The following PPP3CA variants were observed in gnomAD, a reference collection of about 807,000 sequenced individuals.
The protein encoded by PPP3CA is protein phosphatase 3 catalytic subunit alpha.
Under a neutral mutation model 66.5 loss-of-function variants are expected in PPP3CA, and 14 were observed. The observed-to-expected ratio is 0.21, with a 90% CI of 0.14 to 0.33. The LOEUF is 0.33. PPP3CA is among the 10% of genes least tolerant of loss of function. PPP3CA has a pLI of 1.00. For missense variants in PPP3CA, 317 were observed against 639.5 expected (o/e 0.50, Z 5.44); for synonymous variants, 232 against 226.2 (o/e 1.03, Z -0.23).
intron 2 of PPP3CA, among the ~76,000 whole-genome samples, chr4:101,160,294 T>C (rs1055628823): frequency 1.4e-4 from 21 of 152,170 alleles, no homozygotes; most frequent in Admixed American, 3.9e-4. Flanking sequence ...CTGATATAAG[T>C]CATTCTAGTC....
intron 1 of PPP3CA, among the ~76,000 whole-genome samples, chr4:101,259,987 T>C (rs192999098): frequency 4.1e-4 from 63 of 152,270 alleles, no homozygotes; most frequent in Non-Finnish European, 8.5e-4. Flanking sequence ...TAATAGTAAT[T>C]ACTCCTTCCT....
intron 1 of PPP3CA, among the ~76,000 whole-genome samples, chr4:101,220,517 T>A (rs1168557268): frequency 6.6e-6 from 1 of 151,760 alleles, no homozygotes; most frequent in Admixed American, 6.6e-5. Context: ...AAATGGATTT[T>A]AATAAAAAGA....
intron 2 of PPP3CA, among the ~76,000 whole-genome samples, chr4:101,191,020 G>A (rs780917832): frequency 2.0e-5 from 3 of 152,314 alleles, no homozygotes; most frequent in African/African-American, 4.8e-5. Flanking sequence ...CATAGGATAT[G>A]TAGATAAATG....
chr4:101,139,767 T>C (rs1333875128), intron 2 of PPP3CA, among the ~76,000 whole-genome samples: 1 of 146,496 alleles, frequency 6.8e-6, no homozygotes, highest in African/African-American at 2.5e-5. Context: ...GTCCTGTAAC[T>C]ACTCAATAAA....
intron 1 of PPP3CA, among the ~76,000 whole-genome samples, chr4:101,288,377 C>G (rs1727909228): frequency 6.6e-6 from 1 of 151,950 alleles, no homozygotes; most frequent in Non-Finnish European, 1.5e-5. Context: ...GGTTACCTAC[C>G]CCCCAAAAAT....
chr4:101,178,045 G>A (rs192846915), intron 2 of PPP3CA, among the ~76,000 whole-genome samples: 30 of 152,170 alleles, frequency 2.0e-4, no homozygotes, highest in Admixed American at 1.5e-3. Flanking sequence ...CAGTTATTAC[G>A]TGAGGAGCTT....
At chr4:101,173,458 G>A (rs1391229263) in intron 2 of PPP3CA, among the ~76,000 whole-genome samples, 3 of 151,816 alleles carry the variant, frequency 2.0e-5, no homozygotes, top group Non-Finnish European at 4.4e-5. Context: ...ATTATATCCA[G>A]CCCTAGCAAT....
In PPP3CA at chr4:101,210,395, C is replaced by T. The variant is rs139053108; in HGVS notation, c.59-14279G>A. Among the ~76,000 whole-genome samples the T allele has an allele frequency of 3.0e-3, 458 of 152,222 alleles. 2 individuals are homozygous for T. The highest frequency in any genetic ancestry group is 0.02 in the Middle Eastern group (6 of 294). On this transcript the variant is annotated intron_variant, in intron 1 of 13. Coordinates refer to ENST00000394854, the MANE Select transcript of PPP3CA (RefSeq NM_000944.5). ...CAGAAGCCAGACTGCCTAGGTAAAC[C>T]GTACCATCTTGAGCACATTATTTAA... is the stretch of plus-strand genomic sequence containing the variant.
chr4:101,298,418 AT>A (rs1728262985), intron 1 of PPP3CA, among the ~76,000 whole-genome samples: 1 of 151,402 alleles, frequency 6.6e-6, no homozygotes, highest in Non-Finnish European at 1.5e-5. Flanking sequence ...TTATACATGA[AT>A]TTTTTTCATT....
At chr4:101,105,094 T>C (rs116464067) in intron 3 of PPP3CA, among the ~76,000 whole-genome samples, 3,442 of 152,162 alleles carry the variant, frequency 0.023, 120 homozygotes, top group African/African-American at 0.078. Flanking sequence ...TCTAGATTAA[T>C]TGTAGACTTT....
chr4:101,180,505 G>T (rs1724200191), intron 2 of PPP3CA, among the ~76,000 whole-genome samples: 2 of 152,098 alleles, frequency 1.3e-5, no homozygotes, highest in African/African-American at 2.4e-5. Flanking sequence ...TGACAGTTAA[G>T]TTGTATTTCC....
At chr4:101,230,872 C>G (rs1252891781) in intron 1 of PPP3CA, among the ~76,000 whole-genome samples, 1 of 151,746 alleles carries the variant, frequency 6.6e-6, no homozygotes, top group Admixed American at 6.6e-5. Context: ...GAATACATCA[C>G]AATCGTTTCA....
At chr4:101,314,395 T>C (rs1728821294) in intron 1 of PPP3CA, among the ~76,000 whole-genome samples, 1 of 151,738 alleles carries the variant, frequency 6.6e-6, no homozygotes, top group Non-Finnish European at 1.5e-5. Context: ...AAACCCCGTC[T>C]CTACTAAAAT....
chr4:101,310,144 C>T (rs1024336748), intron 1 of PPP3CA, among the ~76,000 whole-genome samples: 2 of 150,772 alleles, frequency 1.3e-5, no homozygotes, highest in African/African-American at 5.0e-5. Flanking sequence ...TAATTAACTT[C>T]CTGTTTTTCT....
chr4:101,286,599 C>T (rs1172452652), intron 1 of PPP3CA, among the ~76,000 whole-genome samples: 2 of 152,166 alleles, frequency 1.3e-5, no homozygotes, highest in South Asian at 2.1e-4. Context: ...GTCTTACACA[C>T]TTTAAGGGTC....
intron 10 of PPP3CA, among the ~76,000 whole-genome samples, chr4:101,056,844 A>C (rs1342278387): frequency 2.0e-5 from 3 of 151,920 alleles, no homozygotes; most frequent in African/African-American, 4.8e-5. Flanking sequence ...ACCAAAAAAA[A>C]AAAAAAAACA....
intron 4 of PPP3CA, 142 bp downstream of exon 4, chr4:101,099,469 A>T: frequency 2.4e-6 from 1 of 412,212 alleles, no homozygotes; most frequent in Non-Finnish European, 4.3e-6. Context: ...CATGCTTAGA[A>T]AGAAATATAG....
chr4:101,030,604 C>T (rs1260875599), intron 12 of PPP3CA, among the ~76,000 whole-genome samples: 1 of 151,916 alleles, frequency 6.6e-6, no homozygotes, highest in Non-Finnish European at 1.5e-5. Flanking sequence ...TAAAATAAAA[C>T]CAAATAACCT....
chr4:101,285,480 C>T (rs145563048), intron 1 of PPP3CA, among the ~76,000 whole-genome samples: 6 of 151,986 alleles, frequency 3.9e-5, no homozygotes, highest in Non-Finnish European at 7.4e-5. Flanking sequence ...AAAGAGTTCC[C>T]CCTTCTTATA....
Sources: allele counts gnomAD v4.1 joint callset (sites outside exome capture counted in the v4.1 genomes callset), GRCh38; gene constraint gnomAD v4.1.1; transcripts MANE v1.5; gene names NCBI Gene and HGNC (gene_info 2026-07-23, HGNC 2026-07-21).